The following GRXCR2 variants were observed in gnomAD, a reference collection of about 807,000 sequenced individuals.
The protein encoded by GRXCR2 is glutaredoxin and cysteine rich domain containing 2.
GRXCR2 carries 23 observed loss-of-function variants against 24.8 expected under a neutral mutation model. The observed-to-expected ratio is 0.93, with a 90% CI of 0.67 to 1.32. GRXCR2 has a LOEUF of 1.32. Among genes scored for constraint, GRXCR2 ranks in the 40% most tolerant of loss-of-function variants. The probability of loss-of-function intolerance (pLI) is 0.00; values close to 1 mark genes in which losing one functional copy is unlikely to be tolerated. For synonymous variants in GRXCR2, 130 were observed against 116.1 expected (o/e 1.12, Z -0.77); for missense variants, 315 against 303.4 (o/e 1.04, Z -0.28).
chr5:145,915,561 G>T (rs1046764852), intron 2 of GRXCR2, among the ~76,000 whole-genome samples: 3 of 152,066 alleles, frequency 2.0e-5, no homozygotes, highest in Admixed American at 6.6e-5. Flanking sequence ...GAGGTGGGTG[G>T]ATCACTTGAG....
intron 2 of GRXCR2, among the ~76,000 whole-genome samples, chr5:145,928,660 C>A (rs1757434448): frequency 1.3e-5 from 2 of 149,550 alleles, no homozygotes; most frequent in Non-Finnish European, 3.0e-5. Flanking sequence ...GGACAAAAAA[C>A]CAAACACCAC....
chr5:145,926,943 C>T (rs1757407799), intron 2 of GRXCR2, among the ~76,000 whole-genome samples: 1 of 152,176 alleles, frequency 6.6e-6, no homozygotes, highest in Non-Finnish European at 1.5e-5. Context: ...AGGTCCTTCA[C>T]ATCCCTTGTA....
At position 145,872,749 on chromosome 5, in the gene GRXCR2, G is replaced by C. The variant is rs151087704; in HGVS notation, c.220C>G (p.Gln74Glu). 1,268 of 1,613,828 alleles carry C rather than the reference G, an allele frequency of 7.9e-4. 2 individuals carry two copies. The highest frequency in any genetic ancestry group is 2.3e-3 in the Middle Eastern group (14 of 6,062). The change falls in exon 1 of 3, where the codon CAG becomes GAG. Residue 74 changes from glutamine (Q) to glutamate (E), a missense_variant. Coordinates refer to ENST00000377976, the MANE Select transcript of GRXCR2 (RefSeq NM_001080516.2). Reference sequence around the variant, plus strand: ...GCAGTCAGCTTAGGGGAGCACATCTGGGGCCTGGGGACTTCCCCAGACCCA... The same window carrying C: ...GCAGTCAGCTTAGGGGAGCACATCTCGGGCCTGGGGACTTCCCCAGACCCA... ...VYGSGEVPRP[Q>E]MCSPKLTAQR...
intron 2 of GRXCR2, among the ~76,000 whole-genome samples, chr5:145,882,705 G>A (rs1756720514): frequency 6.6e-6 from 1 of 152,020 alleles, no homozygotes; most frequent in African/African-American, 2.4e-5. Flanking sequence ...TCATGCTGCT[G>A]TAAAGACACA....
chr5:145,878,854 A>T (rs1214321447), intron 2 of GRXCR2, among the ~76,000 whole-genome samples: 1 of 152,240 alleles, frequency 6.6e-6, no homozygotes, highest in East Asian at 1.9e-4. Context: ...ATCTCTTGGC[A>T]GAAACCCTAC....
chr5:145,927,140 G>C (rs188438538), intron 2 of GRXCR2, among the ~76,000 whole-genome samples: 144 of 152,238 alleles, frequency 9.5e-4, no homozygotes, highest in African/African-American at 3.4e-3. Context: ...TGAGACGATG[G>C]GGTTTTCTAC....
upstream of GRXCR2, among the ~76,000 whole-genome samples, chr5:145,875,835 G>A (rs755419038): frequency 5.3e-5 from 8 of 152,186 alleles, no homozygotes; most frequent in Middle Eastern, 3.4e-3. Context: ...TGTCCCCCAG[G>A]ACTACATTAG....
intron 2 of GRXCR2, among the ~76,000 whole-genome samples, chr5:145,900,680 C>T (rs1757012369): frequency 1.3e-5 from 2 of 152,182 alleles, no homozygotes; most frequent in African/African-American, 4.8e-5. Flanking sequence ...AATGCTTATA[C>T]ACTGTTGGTG....
chr5:145,870,462 T>A (rs968769869), intron 1 of GRXCR2, among the ~76,000 whole-genome samples: 9 of 152,220 alleles, frequency 5.9e-5, no homozygotes, highest in Non-Finnish European at 1.2e-4. Flanking sequence ...ATACCGCATC[T>A]TGTTTATCCA....
intron 2 of GRXCR2, among the ~76,000 whole-genome samples, chr5:145,908,022 C>T (rs1403293169): frequency 6.6e-6 from 1 of 152,122 alleles, no homozygotes; most frequent in East Asian, 1.9e-4. Context: ...TCTGCACCAA[C>T]CTCAGAGAAA....
chr5:145,876,844 G>A (rs189045338), upstream of GRXCR2, among the ~76,000 whole-genome samples: 11 of 152,204 alleles, frequency 7.2e-5, no homozygotes, highest in East Asian at 1.4e-3. Context: ...TTGATAAATC[G>A]AAAGCAGTTT....
intron 2 of GRXCR2, among the ~76,000 whole-genome samples, chr5:145,898,697 C>G (rs1348586712): frequency 2.0e-5 from 3 of 151,638 alleles, no homozygotes; most frequent in African/African-American, 7.3e-5. Context: ...TCTCAATAGA[C>G]AGGAAGGACA....
At chr5:145,930,926 G>A (rs548569372) in intron 2 of GRXCR2, among the ~76,000 whole-genome samples, 51 of 152,226 alleles carry the variant, frequency 3.4e-4, no homozygotes, top group Admixed American at 2.9e-3. Context: ...AAGGAACAGA[G>A]GAAGAGAGTA....
chr5:145,888,942 G>A (rs935986451), intron 2 of GRXCR2, among the ~76,000 whole-genome samples: 1 of 152,090 alleles, frequency 6.6e-6, no homozygotes, highest in Non-Finnish European at 1.5e-5. Flanking sequence ...GGGAGGCCGA[G>A]GTGGGCAGGT....
At position 145,906,379 on chromosome 5, in the gene GRXCR2, T is replaced by G. The variant is rs138359041; in HGVS notation, c.-70+29322A>C. Among the ~76,000 whole-genome samples the G allele has an allele frequency of 2.8e-3, 432 of 151,872 alleles. 2 individuals carry two copies. The highest frequency in any genetic ancestry group is 0.01 in the African/African-American group (422 of 41,420). The stretch of plus-strand genomic sequence containing the variant: ...AAAAAAGGGGGGTGCTTATCTTCCC[T>G]CACTGGCATTGCTTATCCGATAGCA... On this transcript the variant is annotated intron_variant, in intron 2 of 3. Transcript: ENST00000639411.
chr5:145,863,755 G>A (rs1756380969), intron 2 of GRXCR2, among the ~76,000 whole-genome samples: 1 of 152,050 alleles, frequency 6.6e-6, no homozygotes, highest in African/African-American at 2.4e-5. Flanking sequence ...TCCTCTGCCT[G>A]GGATTACAAG....
intron 2 of GRXCR2, among the ~76,000 whole-genome samples, chr5:145,891,203 T>A (rs545462457): frequency 6.6e-6 from 1 of 152,200 alleles, no homozygotes; most frequent in South Asian, 2.1e-4. Flanking sequence ...GCTCCCAGCT[T>A]GAGCGATGCA....
At chr5:145,901,320 T>C (rs1193957548) in intron 2 of GRXCR2, among the ~76,000 whole-genome samples, 39 of 152,046 alleles carry the variant, frequency 2.6e-4, no homozygotes, top group South Asian at 4.2e-4. Context: ...AAAAAAAAAG[T>C]CTTGAAGAGT....
chr5:145,925,906 T>G (rs1439907140), intron 2 of GRXCR2, among the ~76,000 whole-genome samples: 1 of 152,126 alleles, frequency 6.6e-6, no homozygotes, highest in Non-Finnish European at 1.5e-5. Flanking sequence ...AAGAGACATC[T>G]TGCACTAATC....
Sources: gnomAD v4.1 joint callset for allele counts (sites outside exome capture counted in the v4.1 genomes callset) on GRCh38, gnomAD v4.1.1 for gene constraint, MANE v1.5 for transcripts, NCBI Gene and HGNC (gene_info 2026-07-23, HGNC 2026-07-21) for gene names.